Variants in RAB44 observed in about 807,000 individuals in gnomAD.
RAB44 encodes ras-related protein Rab-44.
A neutral mutation model predicts 93.3 loss-of-function variants in RAB44; 67 were observed. The observed-to-expected ratio is 0.72, with a 90% CI of 0.59 to 0.88. The LOEUF is 0.88. Ranked by LOEUF, RAB44 falls within the 40% of genes least tolerant of loss-of-function variation. RAB44 has a pLI of 0.00. For missense variants in RAB44, 1,064 were observed against 1,261.7 expected (o/e 0.84, Z 2.37); for synonymous variants, 427 against 520.3 (o/e 0.82, Z 2.44).
chr6:36,704,086 G>C (rs1237328082), intron 1 of RAB44, 138 bp from the exon 2 acceptor site: 2 of 746,500 alleles, frequency 2.7e-6, no homozygotes, highest in Non-Finnish European at 4.3e-6. Flanking sequence ...CAGAGGACCC[G>C]GCGGGACACC....
intron 2 of RAB44, among the ~76,000 whole-genome samples, chr6:36,706,354 C>T (rs1471205569): frequency 6.6e-6 from 1 of 152,190 alleles, no homozygotes; most frequent in East Asian, 1.9e-4. Context: ...CAACTTCTGT[C>T]CTAAGGCTAG....
intron 2 of RAB44, among the ~76,000 whole-genome samples, chr6:36,708,267 C>G (rs1200024186): frequency 1.3e-5 from 2 of 151,494 alleles, no homozygotes; most frequent in African/African-American, 4.8e-5. Flanking sequence ...TGAAAAATCT[C>G]CAGGGCCTTC....
At chr6:36,705,163 T>A (rs1762615497) in intron 2 of RAB44, among the ~76,000 whole-genome samples, 1 of 151,006 alleles carries the variant, frequency 6.6e-6, no homozygotes, top group South Asian at 2.1e-4. Context: ...TTATGACTGG[T>A]TCAAAGAGCG....
intron 7 of RAB44, among the ~76,000 whole-genome samples, chr6:36,719,854 C>T (rs896765517): frequency 1.3e-5 from 2 of 152,142 alleles, no homozygotes; most frequent in African/African-American, 4.8e-5. Context: ...CAGACTGAGG[C>T]AACAGCCATA....
At chr6:36,708,389 A>T (rs192514986) in intron 2 of RAB44, among the ~76,000 whole-genome samples, 7 of 152,270 alleles carry the variant, frequency 4.6e-5, no homozygotes, top group Non-Finnish European at 1.0e-4. Context: ...TCCCATGATG[A>T]TCTTGTAATA....
Position 36,718,085 on chromosome 6 carries a change from G to A in RAB44, c.699G>A (p.Gln233=). 8.1e-7 allele frequency: 1 copy of A among 1,232,336 alleles called. No individual in the cohort carries two copies. The highest frequency in any genetic ancestry group is 1.0e-6 in the Non-Finnish European group (1 of 988,120). 76.3% of individuals were successfully genotyped at this position (1,232,336 alleles called of 1,614,324 possible). The part of the protein sequence containing the change: ...VQQLYEEMEQ[Q]IRQEKQQLQA... ...AGCTCTATGAGGAGATGGAGCAGCA[G>A]ATCCGCCAGGAGAAGCAGCAGCTGC... The change falls in exon 6 of 14, where the codon CAG becomes CAA. Residue 233 remains glutamine (Q), a synonymous_variant. Transcript: ENST00000612677.
intron 2 of RAB44, among the ~76,000 whole-genome samples, chr6:36,712,264 CT>C (rs1313753106): frequency 4.6e-5 from 7 of 152,222 alleles, no homozygotes; most frequent in African/African-American, 1.7e-4. Context: ...GATTGTGCCA[CT>C]GCATTCCAGC....
chr6:36,725,849 C>T lies in RAB44; in HGVS notation c.2600-13C>T. 6.5e-7 allele frequency: 1 copy of T among 1,546,482 alleles called. No homozygotes were observed. Among genetic ancestry groups the T allele is most frequent in the South Asian group, 1.2e-5 (1 of 83,974 alleles). Reference sequence around the variant, plus strand: ...GTAACTTAGTAGGCTTCACCCCTCTCTATGTGTCCTAGGAGTAGATTTTCG... The same window carrying T: ...GTAACTTAGTAGGCTTCACCCCTCTTTATGTGTCCTAGGAGTAGATTTTCG... On this transcript the variant is annotated splice_polypyrimidine_tract_variant and intron_variant, in intron 9 of 13. Coordinates refer to ENST00000612677, the MANE Select transcript of RAB44 (RefSeq NM_001257357.2).
At chr6:36,725,762 A>G (rs1225540933) in intron 9 of RAB44, 100 bp from the exon 10 acceptor site, 1 of 786,242 alleles carries the variant, frequency 1.3e-6, no homozygotes, top group African/African-American at 1.7e-5. Context: ...GCTCCATCGC[A>G]CCGCAGCTGG....
chr6:36,730,782 C>A (rs755807031), intron 13 of RAB44, 33 bp downstream of exon 13: 18 of 1,104,208 alleles, frequency 1.6e-5, no homozygotes, highest in African/African-American at 5.0e-5. Context: ...CGCCCCCACC[C>A]CCCCCCTTGC....
chr6:36,715,605 C>A lies in RAB44; in HGVS notation c.446C>A (p.Ala149Glu), dbSNP rs1352415532. ...GAGGCGGATGCTGAGGAGAAGGAGGCGTTCCTTGCCTTCATGGAGCAGCTG... is the reference window on the plus strand; with the variant it reads ...GAGGCGGATGCTGAGGAGAAGGAGGAGTTCCTTGCCTTCATGGAGCAGCTG... Reference protein sequence around the residue: ...LEEADAEEKEAFLAFMEQLGT... With the variant: ...LEEADAEEKEEFLAFMEQLGT... Residue 149 changes from alanine to glutamate, a missense_variant, in exon 4 of 14, where the codon GCG becomes GAG. Transcript: ENST00000612677. 1.3e-6 allele frequency: 2 copies of A among 1,536,044 alleles called. No homozygotes were observed. The highest frequency in any genetic ancestry group is 4.9e-5 in the East Asian group (2 of 40,926).
intron 3 of RAB44, among the ~76,000 whole-genome samples, 175 bp from the exon 4 acceptor site, chr6:36,715,304 G>C (rs1762887910): frequency 6.6e-6 from 1 of 152,114 alleles, no homozygotes; most frequent in Non-Finnish European, 1.5e-5. Context: ...CTGTAAAATG[G>C]GTACCTTAAA....
intron 11 of RAB44, among the ~76,000 whole-genome samples, chr6:36,728,234 C>G (rs974769464): frequency 1.3e-5 from 2 of 152,196 alleles, no homozygotes; most frequent in African/African-American, 4.8e-5. Flanking sequence ...CCCACCCGAA[C>G]TCTGTGACTT....
intron 10 of RAB44, among the ~76,000 whole-genome samples, chr6:36,726,161 C>T (rs545359912): frequency 2.6e-4 from 39 of 152,322 alleles, no homozygotes; most frequent in African/African-American, 9.4e-4. Context: ...GGCTTCCCAA[C>T]ATGGTCATTA....
At chr6:36,726,047 C>A (rs1000864596) in intron 10 of RAB44, 104 bp downstream of exon 10, 1 of 875,114 alleles carries the variant, frequency 1.1e-6, no homozygotes, top group South Asian at 1.5e-5. Context: ...CAACTGCCCC[C>A]CAAGGATTCA....
At chr6:36,707,480 G>A (rs1006318144) in intron 2 of RAB44, among the ~76,000 whole-genome samples, 1 of 152,040 alleles carries the variant, frequency 6.6e-6, no homozygotes, top group Non-Finnish European at 1.5e-5. Flanking sequence ...CAACTATATT[G>A]CCCACAAAGA....
At chr6:36,701,438 G>C (rs544854390) in intron 1 of RAB44, among the ~76,000 whole-genome samples, 1 of 152,158 alleles carries the variant, frequency 6.6e-6, no homozygotes, top group Non-Finnish European at 1.5e-5. Context: ...TCAGTTGTCT[G>C]TTAGAACATT....
chr6:36,702,812 C>A (rs1355425372), intron 1 of RAB44, among the ~76,000 whole-genome samples: 2 of 152,218 alleles, frequency 1.3e-5, no homozygotes, highest in Non-Finnish European at 2.9e-5. Context: ...ACCCCAGGGG[C>A]CTCACCTGGA....
chr6:36,709,384 C>G (rs747694394), intron 2 of RAB44, among the ~76,000 whole-genome samples: 1 of 152,202 alleles, frequency 6.6e-6, no homozygotes, highest in East Asian at 1.9e-4. Flanking sequence ...AAACTTTCTA[C>G]GACATTCTAT....
Sources: gnomAD v4.1 joint callset for allele counts (sites outside exome capture counted in the v4.1 genomes callset) on GRCh38, gnomAD v4.1.1 for gene constraint, MANE v1.5 for transcripts, NCBI Gene and HGNC (gene_info 2026-07-23, HGNC 2026-07-21) for gene names.